Variants in STK17A observed in about 807,000 individuals in gnomAD.
STK17A encodes the protein serine/threonine-protein kinase 17A.
Under a neutral mutation model 43.7 loss-of-function variants are expected in STK17A, and 26 were observed. The observed-to-expected ratio is 0.60, with a 90% CI of 0.44 to 0.83. The LOEUF (loss-of-function observed/expected upper bound fraction) is 0.83. Among genes scored for constraint, STK17A ranks in the 40% least tolerant of loss-of-function variants. The pLI is 0.00. For synonymous variants in STK17A, 191 were observed against 182.5 expected (o/e 1.05, Z -0.38); for missense variants, 476 against 511.6 (o/e 0.93, Z 0.67).
At chr7:43,620,322 T>A (rs28406682) in intron 4 of STK17A, among the ~76,000 whole-genome samples, 29,177 of 152,140 alleles carry the variant, frequency 0.19, 3,026 homozygotes, top group East Asian at 0.32. Flanking sequence ...TTGATGGTCT[T>A]TTTAAGGTAT....
chr7:43,605,501 T>G (rs550684990), intron 2 of STK17A, among the ~76,000 whole-genome samples: 115 of 152,302 alleles, frequency 7.6e-4, no homozygotes, highest in African/African-American at 2.7e-3. Context: ...CTCAGCCTTA[T>G]AATTTTCCAG....
intron 4 of STK17A, 95 bp downstream of exon 4, chr7:43,619,818 T>C (rs2083693370): frequency 2.1e-6 from 3 of 1,429,528 alleles, no homozygotes; most frequent in South Asian, 1.4e-5. Context: ...GAGCCAGCTA[T>C]CTACTATGTT....
chr7:43,619,535 T>C, intron 3 of STK17A, 62 bp from the exon 4 acceptor site: 1 of 1,567,796 alleles, frequency 6.4e-7, no homozygotes, highest in Middle Eastern at 1.7e-4. Flanking sequence ...TTTTATGGGC[T>C]GCATGTTTTG....
intron 2 of STK17A, among the ~76,000 whole-genome samples, chr7:43,607,909 C>T (rs1000509570): frequency 2.0e-5 from 3 of 152,148 alleles, no homozygotes; most frequent in African/African-American, 7.2e-5. Flanking sequence ...TACATTACAT[C>T]GTGGTGCATC....
chr7:43,597,657 TACAGGCGTGAGCCCAGCCA>T (rs1222400566), intron 2 of STK17A, among the ~76,000 whole-genome samples: 1 of 152,196 alleles, frequency 6.6e-6, no homozygotes, highest in Non-Finnish European at 1.5e-5. Flanking sequence ...AGTGCTGGTT[TACAGGCGTGAGCCCAGCCA>T]AATCCCAGCA....
intron 1 of STK17A, among the ~76,000 whole-genome samples, chr7:43,583,994 C>G (rs999300164): frequency 6.6e-6 from 1 of 152,144 alleles, no homozygotes; most frequent in Non-Finnish European, 1.5e-5. Flanking sequence ...CGTTTTAGTT[C>G]TAAAGCATTT....
At chr7:43,615,245 G>A (rs146990526) in intron 3 of STK17A, among the ~76,000 whole-genome samples, 2,136 of 152,110 alleles carry the variant, frequency 0.014, 67 homozygotes, top group African/African-American at 0.049. Flanking sequence ...GCACTATCTC[G>A]GCTCACTGCA....
At chr7:43,622,607 TTATAA>T (rs1423962602) in intron 4 of STK17A, 1 of 152,200 alleles carries the variant, frequency 6.6e-6, no homozygotes, top group Non-Finnish European at 1.5e-5. Flanking sequence ...AGGAGCATTT[TTATAA>T]TATTTTTCCT....
At chr7:43,603,886 A>G (rs1464600184) in intron 2 of STK17A, among the ~76,000 whole-genome samples, 3 of 152,208 alleles carry the variant, frequency 2.0e-5, no homozygotes, top group Admixed American at 2.0e-4. Context: ...TGAAATATAA[A>G]TGTATTTTGT....
At chr7:43,587,382 A>G (rs906591474) in intron 1 of STK17A, among the ~76,000 whole-genome samples, 1 of 151,332 alleles carries the variant, frequency 6.6e-6, no homozygotes, top group African/African-American at 2.4e-5. Flanking sequence ...ACATTGGAAC[A>G]AACATGACCA....
chr7:43,617,738 T>C (rs1469679614), intron 3 of STK17A, among the ~76,000 whole-genome samples: 1 of 152,178 alleles, frequency 6.6e-6, no homozygotes, highest in Admixed American at 6.5e-5. Flanking sequence ...GTAGGTGATA[T>C]TTAAGCCTTG....
chr7:43,610,346 CAAAAAA>C (rs138859141), intron 3 of STK17A, among the ~76,000 whole-genome samples: 46 of 41,322 alleles, frequency 1.1e-3, no homozygotes, highest in African/African-American at 4.4e-3. Context: ...GACTCCGTCT[CAAAAAA>C]AAAAAAAAAA....
At chr7:43,620,958 A>G (rs2083825926) in intron 4 of STK17A, among the ~76,000 whole-genome samples, 1 of 152,158 alleles carries the variant, frequency 6.6e-6, no homozygotes, top group South Asian at 2.1e-4. Context: ...GTGAGCAAAT[A>G]CAGGCTAGAA....
intron 2 of STK17A, among the ~76,000 whole-genome samples, chr7:43,607,121 C>T (rs1385514865): frequency 6.6e-6 from 1 of 151,188 alleles, no homozygotes; most frequent in Non-Finnish European, 1.5e-5. Context: ...CAGGGCTTCT[C>T]CATGTTGGTC....
At chr7:43,591,256 TTA>T (rs1283486980) in intron 1 of STK17A, among the ~76,000 whole-genome samples, 5 of 151,610 alleles carry the variant, frequency 3.3e-5, no homozygotes, top group African/African-American at 1.2e-4. Flanking sequence ...TTTACATTTT[TTA>T]TGTTTTACAT....
chr7:43,614,052 A>G lies in STK17A; in HGVS notation c.565-5545A>G, dbSNP rs538656761. Among the ~76,000 whole-genome samples the G allele has an allele frequency of 9.2e-4, 140 of 152,260 alleles. 1 individual carries two copies. Among genetic ancestry groups the G allele is most frequent in the African/African-American group, 3.2e-3 (135 of 41,548 alleles). ...ACTCTAACCTGGGTTTTAATAGTTA[A>G]TATACTAGAACTTTAATTGTCTGAT... On this transcript the variant is annotated intron_variant, in intron 3 of 6. Transcript: ENST00000319357.
intron 2 of STK17A, among the ~76,000 whole-genome samples, chr7:43,601,987 C>T (rs73693040): frequency 6.6e-6 from 1 of 152,066 alleles, no homozygotes; most frequent in African/African-American, 2.4e-5. Flanking sequence ...TTTTCTCCCC[C>T]ATATGGAGAA....
chr7:43,620,743 T>G (rs555649021), intron 4 of STK17A, among the ~76,000 whole-genome samples: 3 of 152,122 alleles, frequency 2.0e-5, no homozygotes, highest in Admixed American at 6.5e-5. Flanking sequence ...TTATGAGGCC[T>G]TGGATATAAG....
chr7:43,602,196 T>C (rs551199406), intron 2 of STK17A, among the ~76,000 whole-genome samples: 10 of 152,188 alleles, frequency 6.6e-5, no homozygotes, highest in Non-Finnish European at 1.5e-4. Context: ...TCCTAAGTTA[T>C]GTAACCTCTT....
Sources: gnomAD v4.1 joint callset for allele counts (sites outside exome capture counted in the v4.1 genomes callset) on GRCh38, gnomAD v4.1.1 for gene constraint, MANE v1.5 for transcripts, NCBI Gene and HGNC (gene_info 2026-07-23, HGNC 2026-07-21) for gene names.